The following PDZD2 variants were observed in gnomAD, a reference collection of about 807,000 sequenced individuals.
PDZD2 encodes the protein PDZ domain-containing protein 2.
In PDZD2, 90 loss-of-function variants were observed where a neutral mutation model predicts 220.7. The observed-to-expected ratio is 0.41, with a 90% CI of 0.34 to 0.49. The LOEUF (loss-of-function observed/expected upper bound fraction) is 0.49, where lower values mean the gene tolerates loss of function less well. Ranked by LOEUF, PDZD2 falls within the 20% of genes least tolerant of loss-of-function variation. The pLI is 0.28. For synonymous variants in PDZD2, 1,375 were observed against 1,450.5 expected (o/e 0.95, Z 1.18); for missense variants, 3,174 against 3,608.5 (o/e 0.88, Z 3.08).
rs536461414 is a variant in PDZD2 at position 31,810,485 on chromosome 5, T to G, written c.476+10761T>G. On this transcript the variant is annotated intron_variant, in intron 2 of 24. Transcript: ENST00000438447. Reference sequence around the variant, plus strand: ...TTTCACTGTGTTACCCAGGATGGTCTGGATCTCCTGACCTTGTGATCCGCC... The same window carrying G: ...TTTCACTGTGTTACCCAGGATGGTCGGGATCTCCTGACCTTGTGATCCGCC... 1.8e-4 allele frequency among the ~76,000 whole-genome samples: 27 copies of G among 152,310 alleles called. No homozygotes were observed. In the East Asian group the frequency reaches 3.1e-3, roughly 17 times the overall value.
At chr5:31,658,671 G>C (rs1745646055) in intron 1 of PDZD2, among the ~76,000 whole-genome samples, 1 of 151,580 alleles carries the variant, frequency 6.6e-6, no homozygotes, top group African/African-American at 2.4e-5. Flanking sequence ...CCAGGCTGGA[G>C]TGCAGTGGCG....
chr5:31,702,480 A>C (rs1469870871), intron 1 of PDZD2, among the ~76,000 whole-genome samples: 1 of 152,184 alleles, frequency 6.6e-6, no homozygotes. Flanking sequence ...ACATGCATTG[A>C]CGATGATGGA....
At chr5:31,898,100 C>A (rs2150355211) in intron 2 of PDZD2, among the ~76,000 whole-genome samples, 1 of 152,264 alleles carries the variant, frequency 6.6e-6, no homozygotes, top group Admixed American at 6.5e-5. Flanking sequence ...TTGTCTCCTC[C>A]CTGGAGCCAA....
At position 31,850,096 on chromosome 5, in the gene PDZD2, G is replaced by A. The variant is rs1170689776; in HGVS notation, c.476+50372G>A. On this transcript the variant is annotated intron_variant, in intron 2 of 24. Transcript: ENST00000438447. ...TATGTGTATATATAAGTATATATAC[G>A]TGTATATATAAGTATATATACGTGT... is the stretch of plus-strand genomic sequence containing the variant. Among the ~76,000 whole-genome samples the A allele has an allele frequency of 6.7e-5, 9 of 134,798 alleles. No individual in the cohort carries two copies. The South Asian group carries it at 1.1e-3, about 17-fold the overall frequency. The allele number at this position is 134,798 out of a possible 152,430, so 88.4% of individuals were successfully genotyped here. A position where few individuals can be genotyped will look rare whatever the true frequency, so the allele number is the denominator to read the frequency against.
chr5:31,662,872 C>T lies in PDZD2; in HGVS notation c.-361+23435C>T, dbSNP rs550063170. On this transcript the variant is annotated intron_variant, in intron 1 of 24. Transcript: ENST00000438447. Reference sequence around the variant, plus strand: ...GTCTTGATCTCCTGACCTTGTGATCCACCCGCTGTGGCCTCCCAAAGTGCT... The same window carrying T: ...GTCTTGATCTCCTGACCTTGTGATCTACCCGCTGTGGCCTCCCAAAGTGCT... Among the ~76,000 whole-genome samples the T allele has an allele frequency of 3.8e-3, 576 of 152,326 alleles. 3 individuals carry two copies. The highest frequency in any genetic ancestry group is 0.013 in the African/African-American group (543 of 41,576).
intron 2 of PDZD2, among the ~76,000 whole-genome samples, chr5:31,875,597 A>T (rs28452880): frequency 0.58 from 81,895 of 141,174 alleles, 24,113 homozygotes; most frequent in African/African-American, 0.7. Context: ...AAAAAAAAAA[A>T]ATATATATAT....
chr5:31,877,772 C>G (rs1480921431), intron 2 of PDZD2, among the ~76,000 whole-genome samples: 1 of 152,178 alleles, frequency 6.6e-6, no homozygotes, highest in Non-Finnish European at 1.5e-5. Flanking sequence ...TCACTGCAAC[C>G]TCTCCCTCCC....
chr5:31,673,774 C>T (rs541286184), intron 1 of PDZD2, among the ~76,000 whole-genome samples: 128 of 152,206 alleles, frequency 8.4e-4, no homozygotes, highest in African/African-American at 2.9e-3. Flanking sequence ...AGTTCAAGAC[C>T]AGCCTGGCCA....
chr5:31,896,764 A>T (rs1212901216), intron 2 of PDZD2, among the ~76,000 whole-genome samples: 1 of 152,252 alleles, frequency 6.6e-6, no homozygotes, highest in Non-Finnish European at 1.5e-5. Context: ...GTTCGAGACC[A>T]GCTCTGGCAA....
intron 7 of PDZD2, among the ~76,000 whole-genome samples, chr5:32,041,838 T>A (rs1756177777): frequency 3.1e-5 from 3 of 95,392 alleles, no homozygotes; most frequent in Non-Finnish European, 6.3e-5. Context: ...GAATAATCAA[T>A]AAATACTAAA....
At chr5:31,741,959 C>G (rs2150167231) in intron 1 of PDZD2, 1 of 152,324 alleles carries the variant, frequency 6.6e-6, no homozygotes, top group South Asian at 2.1e-4. Context: ...AAAGGGCAGC[C>G]TTTCCTCCAG....
At chr5:31,924,809 C>G (rs1027538608) in intron 2 of PDZD2, among the ~76,000 whole-genome samples, 1 of 152,218 alleles carries the variant, frequency 6.6e-6, no homozygotes, top group Non-Finnish European at 1.5e-5. Flanking sequence ...AGACAGAATT[C>G]TTGAGCTGAA....
At chr5:31,817,334 A>G (rs1755529152) in intron 2 of PDZD2, among the ~76,000 whole-genome samples, 1 of 152,000 alleles carries the variant, frequency 6.6e-6, no homozygotes, top group African/African-American at 2.4e-5. Context: ...TCTCTACTAA[A>G]AATGCAAAAA....
At chr5:31,752,275 A>G (rs1184439719) in intron 1 of PDZD2, among the ~76,000 whole-genome samples, 2 of 151,580 alleles carry the variant, frequency 1.3e-5, no homozygotes, top group Non-Finnish European at 2.9e-5. Context: ...GAGGCTGGGC[A>G]CGGTGGCTCA....
chr5:31,892,231 T>G lies in PDZD2; in HGVS notation c.477-90924T>G, dbSNP rs115250893. On this transcript the variant is annotated intron_variant, in intron 2 of 24. Coordinates refer to ENST00000438447, the MANE Select transcript of PDZD2 (RefSeq NM_178140.4). Reference sequence around the variant, plus strand: ...GGCCCCAAACTCTTAACAAAACTAATTTCTGGATTACCTTCTCCTCAAGGT... The same window carrying G: ...GGCCCCAAACTCTTAACAAAACTAAGTTCTGGATTACCTTCTCCTCAAGGT... Among the ~76,000 whole-genome samples the G allele has an allele frequency of 2.0e-5, 3 of 152,154 alleles. 1 individual carries two copies. The highest frequency in any genetic ancestry group is 2.9e-5 in the Non-Finnish European group (2 of 68,010).
At position 32,090,657 on chromosome 5, in the gene PDZD2, C is replaced by T; in HGVS notation, c.7209C>T (p.Asn2403=). ...LRRSLSSCSE[N]QSEAGTLLPQ... ...GCAGCTTGAGTTCCTGCAGCGAAAA[C>T]CAAAGCGAAGCCGGCACCCTCCTGC... The change falls in exon 20 of 25, where the codon AAC becomes AAT. Residue 2403 remains asparagine (N), a synonymous_variant. Transcript: ENST00000438447. This position sits in a 1 kb window ranked among gnomAD's most constrained non-coding sequence, Gnocchi z 4.3. 6.2e-7 allele frequency: 1 copy of T among 1,614,118 alleles called. No individual in the cohort carries two copies. The highest frequency in any genetic ancestry group is 8.5e-7 in the Non-Finnish European group (1 of 1,180,014).
At position 32,081,855 on chromosome 5, in the gene PDZD2, G is replaced by T. The variant is rs1467428960; in HGVS notation, c.3682+4249G>T. 4.9e-5 allele frequency among the ~76,000 whole-genome samples: 7 copies of T among 143,572 alleles called. No individual in the cohort carries two copies. In the East Asian group the frequency reaches 6.3e-4, roughly 13 times the overall value. 94.2% of individuals were successfully genotyped at this position (143,572 alleles called of 152,430 possible). A position where few individuals can be genotyped will look rare whatever the true frequency, so the allele number is the denominator to read the frequency against. The stretch of plus-strand genomic sequence containing the variant: ...TCCTGCCTCAGCCTCCTGAGTAGCT[G>T]GGACTACAGGCGTCCGCCACCACGC... On this transcript the variant is annotated intron_variant, in intron 19 of 24. Coordinates refer to ENST00000438447, the MANE Select transcript of PDZD2 (RefSeq NM_178140.4).
Position 31,687,534 on chromosome 5 carries a change from A to G in PDZD2, c.-361+48097A>G, listed in dbSNP as rs776964322. Among the ~76,000 whole-genome samples the G allele has an allele frequency of 3.6e-4, 55 of 152,172 alleles. 1 individual carries two copies. Among genetic ancestry groups the G allele is most frequent in the Non-Finnish European group, 1.8e-4 (12 of 68,002 alleles). ...ACTCTTCTAGCCTCTGCCCATTACT[A>G]CCCAGTTCCAAAACTGCTTCCATAT... On this transcript the variant is annotated intron_variant, in intron 1 of 24. Transcript: ENST00000438447.
chr5:31,794,316 G>A (rs554329040), intron 1 of PDZD2, among the ~76,000 whole-genome samples: 271 of 151,680 alleles, frequency 1.8e-3, no homozygotes, highest in African/African-American at 6.1e-3. Flanking sequence ...TCAGGACCCA[G>A]CACATGATAG....
Sources: gnomAD v4.1 joint callset for allele counts (sites outside exome capture counted in the v4.1 genomes callset) on GRCh38, gnomAD v4.1.1 for gene constraint, Gnocchi (gnomAD v3.1) non-coding constraint, MANE v1.5 for transcripts, NCBI Gene and HGNC (gene_info 2026-07-23, HGNC 2026-07-21) for gene names.